The following SYNRG variants were observed in gnomAD, a reference collection of about 807,000 sequenced individuals.
The protein encoded by SYNRG is AP1 gamma subunit binding protein 1.
In SYNRG, 37 loss-of-function variants were observed where a neutral mutation model predicts 130.9. That is an observed-to-expected ratio of 0.28 (90% CI 0.22 to 0.37). The LOEUF (loss-of-function observed/expected upper bound fraction) is 0.37, where lower values mean the gene tolerates loss of function less well. Among genes scored for constraint, SYNRG ranks in the 10% least tolerant of loss-of-function variants. The pLI, the probability that SYNRG is intolerant of heterozygous loss-of-function variation, is 1.00. For synonymous variants in SYNRG, 539 were observed against 568.1 expected (o/e 0.95, Z 0.73); for missense variants, 1,338 against 1,588.9 (o/e 0.84, Z 2.68).
At chr17:37,575,203 A>G (rs1836400310) in intron 8 of SYNRG, among the ~76,000 whole-genome samples, 1 of 152,246 alleles carries the variant, frequency 6.6e-6, no homozygotes, top group East Asian at 1.9e-4. Flanking sequence ...GCATAAAAAT[A>G]TAGTTGGATA....
rs1239549764 is a variant in SYNRG, at chr17:37,600,413, G to A, written c.78-10C>T. On this transcript the variant is annotated splice_polypyrimidine_tract_variant and intron_variant, in intron 1 of 21. Coordinates refer to ENST00000612223, the MANE Select transcript of SYNRG (RefSeq NM_007247.6). Reference sequence around the variant, plus strand: ...AACAGGAAACATGAAGCTGAAAACAGAATAAAAATACATTATAATCTTCGT... The same window carrying A: ...AACAGGAAACATGAAGCTGAAAACAAAATAAAAATACATTATAATCTTCGT... The A allele has an allele frequency of 1.9e-6, 3 of 1,613,230 alleles. No homozygotes were observed. Among genetic ancestry groups the A allele is most frequent in the African/African-American group, 1.3e-5 (1 of 74,878 alleles).
At position 37,586,622 on chromosome 17, in the gene SYNRG, C is replaced by T. The variant is rs764835294; in HGVS notation, c.241-73G>A. The T allele has an allele frequency of 1.9e-5, 30 of 1,546,802 alleles. No homozygotes were observed. The East Asian group carries it at 6.4e-4, about 33-fold the overall frequency. ...TTATCACACACAAAAATGTGACTTC[C>T]ATAAATTCTATCTTAATACTCTTAT... is the stretch of plus-strand genomic sequence containing the variant. On this transcript the variant is annotated intron_variant, in intron 3 of 21. Transcript: ENST00000612223.
chr17:37,589,641 C>G (rs573813873), intron 3 of SYNRG, among the ~76,000 whole-genome samples: 2 of 151,568 alleles, frequency 1.3e-5, no homozygotes, highest in Admixed American at 1.3e-4. Flanking sequence ...CCCATCTATT[C>G]GGGAGGCTGA....
chr17:37,554,586 T>C (rs1290661935), intron 13 of SYNRG, among the ~76,000 whole-genome samples: 1 of 152,224 alleles, frequency 6.6e-6, no homozygotes, highest in Non-Finnish European at 1.5e-5. Flanking sequence ...AGAATAACAT[T>C]AGATACTATG....
chr17:37,553,422 A>C lies in SYNRG; in HGVS notation c.2301T>G (p.Thr767=), dbSNP rs772141732. 6.2e-7 allele frequency: 1 copy of C among 1,614,186 alleles called. No individual in the cohort carries two copies. Among genetic ancestry groups the C allele is most frequent in the African/African-American group, 1.3e-5 (1 of 75,046 alleles). Residue 767 remains threonine (T), a synonymous_variant, in exon 14 of 22, where the codon ACT becomes ACG. Transcript: ENST00000612223. Reference sequence around the variant, plus strand: ...AATCATCATCACTTTTTCCTGAAGGAGTGTTATCTTTCAGGTCTTCAACAC... The same window carrying C: ...AATCATCATCACTTTTTCCTGAAGGCGTGTTATCTTTCAGGTCTTCAACAC... The part of the protein sequence containing the change: ...GLGVEDLKDN[T]PSGKSDDDFA...
intron 18 of SYNRG, among the ~76,000 whole-genome samples, chr17:37,538,037 C>T (rs2057377348): frequency 6.6e-6 from 1 of 152,228 alleles, no homozygotes; most frequent in African/African-American, 2.4e-5. Context: ...GATGATTTTA[C>T]TTTAGTGCAT....
In SYNRG at chr17:37,609,307, C is replaced by G; in HGVS notation, c.49G>C (p.Ala17Pro). Reference sequence around the variant, plus strand: ...CCTCCCCCGGCGGACCCCGCGCCAGCTCCCGCGGCCCCGCCGCCACCAGAA... The same window carrying G: ...CCTCCCCCGGCGGACCCCGCGCCAGGTCCCGCGGCCCCGCCGCCACCAGAA... ...AGSGGGGAAG[A>P]GAGSAGGGGF... The change falls in exon 1 of 22, where the codon GCT (alanine) becomes CCT (proline). Residue 17 changes from alanine to proline, a missense_variant. Physicochemically the swap from Ala to Pro is conservative, Grantham distance 27. Transcript: ENST00000612223. 6.8e-7 allele frequency: 1 copy of G among 1,463,882 alleles called. No individual in the cohort carries two copies. 90.7% of individuals were successfully genotyped at this position (1,463,882 alleles called of 1,614,324 possible).
chr17:37,571,954 G>A lies in SYNRG; in HGVS notation c.935C>T (p.Thr312Ile). ...AYKKILETTM[T>I]PTGIDTAKLY... ...TTTGGCAGTATCTATTCCAGTTGGA[G>A]TCATTGTGGTTTCTAAGATTTTCTT... Residue 312 changes from threonine to isoleucine, a missense_variant, in exon 9 of 22, where the codon ACT (threonine) becomes ATT (isoleucine). Thr to Ile is a moderately conservative substitution (Grantham distance 89). This residue lies in a region of SYNRG where 1,146 missense variants were observed against 1,342.3 expected (regional missense o/e 0.85). Transcript: ENST00000612223. 6.2e-7 allele frequency: 1 copy of A among 1,612,442 alleles called. No individual in the cohort carries two copies. Among genetic ancestry groups the A allele is most frequent in the Non-Finnish European group, 8.5e-7 (1 of 1,179,612 alleles).
chr17:37,577,283 A>G, intron 7 of SYNRG, 97 bp downstream of exon 7: 1 of 1,168,182 alleles, frequency 8.6e-7, no homozygotes, highest in East Asian at 2.3e-5. Flanking sequence ...GATTAGCAAA[A>G]TCAAGCAGCA....
Position 37,553,606 on chromosome 17 carries a change from T to TAAA in SYNRG, c.2116_2117insTTT (p.Gln706delinsLeuTer). The TAAA allele has an allele frequency of 6.2e-7, 1 of 1,614,026 alleles. No individual in the cohort carries two copies. The highest frequency in any genetic ancestry group is 1.3e-5 in the African/African-American group (1 of 75,032). ...GGCATCATATTTGTCATCCGGCTTT[T>TAAA]GCTCAGATGAAATAGAGCTATTACT... On this transcript the variant is annotated stop_gained and protein_altering_variant, in exon 14 of 22. Coordinates refer to ENST00000612223, the MANE Select transcript of SYNRG (RefSeq NM_007247.6). LOFTEE classifies it high-confidence loss of function.
At chr17:37,572,287 C>T (rs926275300) in intron 8 of SYNRG, among the ~76,000 whole-genome samples, 5 of 151,902 alleles carry the variant, frequency 3.3e-5, no homozygotes, top group African/African-American at 4.8e-5. Context: ...GTTAGCCACA[C>T]GTGGTGGCAT....
intron 11 of SYNRG, among the ~76,000 whole-genome samples, chr17:37,562,150 T>G (rs2059582567): frequency 6.6e-6 from 1 of 152,254 alleles, no homozygotes; most frequent in African/African-American, 2.4e-5. Flanking sequence ...CACTGCCTAC[T>G]GGCAGAAGTG....
At chr17:37,523,503 T>C (rs1367542051) in intron 19 of SYNRG, among the ~76,000 whole-genome samples, 1 of 152,216 alleles carries the variant, frequency 6.6e-6, no homozygotes, top group Non-Finnish European at 1.5e-5. Context: ...AACTGGCTCA[T>C]AAAATTCCTG....
At chr17:37,527,816 C>T (rs1027600512) in intron 19 of SYNRG, among the ~76,000 whole-genome samples, 1 of 152,066 alleles carries the variant, frequency 6.6e-6, no homozygotes, top group Non-Finnish European at 1.5e-5. Context: ...ACCAATTCCC[C>T]CCCCATGGAC....
intron 1 of SYNRG, among the ~76,000 whole-genome samples, chr17:37,603,311 C>T (rs982839469): frequency 1.3e-5 from 2 of 151,946 alleles, no homozygotes; most frequent in African/African-American, 2.4e-5. Flanking sequence ...TGAGACCAGC[C>T]TGGGCAACAT....
intron 6 of SYNRG, among the ~76,000 whole-genome samples, chr17:37,581,557 C>A (rs922206886): frequency 6.6e-6 from 1 of 151,976 alleles, no homozygotes; most frequent in African/African-American, 2.4e-5. Context: ...GGATTATAGG[C>A]GTGAGCCACC....
chr17:37,561,170 T>C, intron 13 of SYNRG, 25 bp downstream of exon 13: 1 of 1,587,798 alleles, frequency 6.3e-7, no homozygotes. Context: ...AAATAATTTA[T>C]CCTTTTGAGG....
Position 37,553,803 on chromosome 17 carries a change from T to C in SYNRG, c.1920A>G (p.Ser640=), listed in dbSNP as rs1411102788. 1.9e-6 allele frequency: 3 copies of C among 1,612,862 alleles called. No homozygotes were observed. The highest frequency in any genetic ancestry group is 2.5e-6 in the Non-Finnish European group (3 of 1,179,816). ...PLSFSAVFST[S]KSVSTPQSTG... is the part of the protein sequence containing the mutation. ...TTGACTGTGGTGTAGAAACTGATTTTGATGTGCTAAACACAGCTGAAAAAG... is the reference window on the plus strand; with the variant it reads ...TTGACTGTGGTGTAGAAACTGATTTCGATGTGCTAAACACAGCTGAAAAAG... The change falls in exon 14 of 22, where the codon TCA becomes TCG. Residue 640 remains serine (S), a synonymous_variant. Transcript: ENST00000612223.
At chr17:37,561,720 CTA>C in intron 11 of SYNRG, 131 bp from the exon 12 acceptor site, 1 of 624,818 alleles carries the variant, frequency 1.6e-6, no homozygotes, top group South Asian at 2.2e-5. Flanking sequence ...AGTTAGAAAA[CTA>C]TATAGTATAC....
Sources: allele counts gnomAD v4.1 joint callset (sites outside exome capture counted in the v4.1 genomes callset), GRCh38; gene constraint gnomAD v4.1.1; regional missense constraint gnomAD v4.1.1; transcripts MANE v1.5; gene names NCBI Gene and HGNC (gene_info 2026-07-23, HGNC 2026-07-21).